The following STX8 variants were observed in gnomAD, a reference collection of about 807,000 sequenced individuals.
STX8 encodes the protein syntaxin 8.
Under a neutral mutation model 37.5 loss-of-function variants are expected in STX8, and 23 were observed. The ratio of observed to expected loss-of-function variants is 0.61; its 90% CI spans 0.44 to 0.87. The LOEUF is 0.87. Among genes scored for constraint, STX8 ranks in the 40% least tolerant of loss-of-function variants. The pLI is 0.00. For missense variants in STX8, 313 were observed against 284.7 expected (o/e 1.10, Z -0.71); for synonymous variants, 115 against 99.1 (o/e 1.16, Z -0.95).
At chr17:9,267,263 G>A (rs1907262936) in intron 7 of STX8, among the ~76,000 whole-genome samples, 1 of 152,172 alleles carries the variant, frequency 6.6e-6, no homozygotes, top group Admixed American at 6.6e-5. Context: ...CACTCTCAGA[G>A]CCATCATGGA....
At chr17:9,481,622 G>A (rs2142455436) in intron 6 of STX8, among the ~76,000 whole-genome samples, 2 of 152,250 alleles carry the variant, frequency 1.3e-5, no homozygotes, top group South Asian at 4.1e-4. Flanking sequence ...ATCATACTAG[G>A]ATGGAACCAA....
In STX8 at chr17:9,312,625, C is replaced by T. The variant is rs78261733; in HGVS notation, c.644-61980G>A. Among the ~76,000 whole-genome samples, 555 of 152,270 alleles carry T rather than the reference C, an allele frequency of 3.6e-3. 1 individual carries two copies. Among genetic ancestry groups the T allele is most frequent in the African/African-American group, 1.0e-2 (415 of 41,564 alleles). ...TGAGTTGAGGCTTATACAGAAATCA[C>T]GCAAGCTGGACTGATTTGTTAGGAG... On this transcript the variant is annotated intron_variant, in intron 7 of 7. Transcript: ENST00000306357.
chr17:9,535,835 G>T (rs1292072078), intron 4 of STX8, among the ~76,000 whole-genome samples: 1 of 152,034 alleles, frequency 6.6e-6, no homozygotes, highest in Non-Finnish European at 1.5e-5. Context: ...AACAATACTC[G>T]CATATATATA....
intron 7 of STX8, among the ~76,000 whole-genome samples, chr17:9,338,048 ATTTT>A (rs972471091): frequency 1.1e-4 from 12 of 107,890 alleles, no homozygotes; most frequent in African/African-American, 1.8e-4. Flanking sequence ...CCTCTGAAGG[ATTTT>A]TTTTTTTTTT....
At chr17:9,438,561 G>A (rs1489051520) in intron 6 of STX8, among the ~76,000 whole-genome samples, 7 of 152,086 alleles carry the variant, frequency 4.6e-5, no homozygotes, top group African/African-American at 1.7e-4. Context: ...AAATATTTTA[G>A]GTTTTGTAGG....
intron 6 of STX8, among the ~76,000 whole-genome samples, chr17:9,471,403 G>A (rs541145735): frequency 5.3e-5 from 8 of 151,746 alleles, no homozygotes; most frequent in African/African-American, 1.7e-4. Flanking sequence ...CACCTACCTC[G>A]GCCTCCCAAA....
chr17:9,419,919 T>C (rs1051427437), intron 6 of STX8, among the ~76,000 whole-genome samples: 2 of 152,238 alleles, frequency 1.3e-5, no homozygotes, highest in African/African-American at 2.4e-5. Flanking sequence ...AGGCTAACTT[T>C]TCAGTAATTG....
At chr17:9,410,469 C>T (rs1011063583) in intron 6 of STX8, among the ~76,000 whole-genome samples, 1 of 152,134 alleles carries the variant, frequency 6.6e-6, no homozygotes, top group East Asian at 1.9e-4. Flanking sequence ...GGCTCCCACA[C>T]GTCATAAAAC....
At chr17:9,409,229 T>G (rs1319745739) in intron 6 of STX8, among the ~76,000 whole-genome samples, 2 of 152,176 alleles carry the variant, frequency 1.3e-5, no homozygotes, top group Admixed American at 6.5e-5. Context: ...AAGGAGTCTT[T>G]CCGGTTTCTG....
intron 7 of STX8, among the ~76,000 whole-genome samples, chr17:9,304,403 G>A (rs1292651047): frequency 1.3e-5 from 2 of 149,556 alleles, no homozygotes; most frequent in African/African-American, 2.4e-5. Flanking sequence ...GCGCATGCCT[G>A]TAATCCCAGC....
In STX8 at chr17:9,298,151, G is replaced by A. The variant is rs1908633396; in HGVS notation, c.644-47506C>T. Reference sequence around the variant, plus strand: ...TTTAAAATGGAAATGTCACTGGCTGGGAAAGCACACTCTGTTTCTGACGTG... The same window carrying A: ...TTTAAAATGGAAATGTCACTGGCTGAGAAAGCACACTCTGTTTCTGACGTG... On this transcript the variant is annotated intron_variant, in intron 7 of 7. Transcript: ENST00000306357. 3.9e-5 allele frequency among the ~76,000 whole-genome samples: 4 copies of A among 102,736 alleles called. No homozygotes were observed. The East Asian group carries it at 1.1e-3, about 28-fold the overall frequency. 67.4% of individuals were successfully genotyped at this position (102,736 alleles called of 152,430 possible).
chr17:9,337,507 C>A (rs1910176529), intron 7 of STX8, among the ~76,000 whole-genome samples: 1 of 152,132 alleles, frequency 6.6e-6, no homozygotes, highest in Non-Finnish European at 1.5e-5. Context: ...GCTGGGATTA[C>A]AGGCACACGC....
chr17:9,483,603 T>C (rs961945961), intron 6 of STX8, among the ~76,000 whole-genome samples: 16 of 152,208 alleles, frequency 1.1e-4, no homozygotes, highest in African/African-American at 3.4e-4. Context: ...CCCCTTACCA[T>C]GGTAAATCAC....
At chr17:9,344,767 G>A (rs1910479128) in intron 7 of STX8, among the ~76,000 whole-genome samples, 1 of 148,982 alleles carries the variant, frequency 6.7e-6, no homozygotes, top group African/African-American at 2.5e-5. Context: ...TGATTTCCTG[G>A]TGATATTTTT....
At chr17:9,329,740 G>A (rs530652216) in intron 7 of STX8, among the ~76,000 whole-genome samples, 140 of 152,350 alleles carry the variant, frequency 9.2e-4, no homozygotes, top group Non-Finnish European at 1.8e-3. Context: ...GTAGGAGCCC[G>A]TCACAGCCAA....
chr17:9,512,926 A>C (rs1346080873), intron 4 of STX8, among the ~76,000 whole-genome samples: 1 of 152,200 alleles, frequency 6.6e-6, no homozygotes, highest in Non-Finnish European at 1.5e-5. Context: ...CCATAAAAGT[A>C]CCAGGCAAAA....
chr17:9,339,315 C>G (rs1023859273), intron 7 of STX8, among the ~76,000 whole-genome samples: 10 of 152,218 alleles, frequency 6.6e-5, no homozygotes, highest in African/African-American at 2.2e-4. Context: ...AAAAACCAAC[C>G]AACCAATCAA....
intron 4 of STX8, among the ~76,000 whole-genome samples, chr17:9,520,757 G>T (rs2142523961): frequency 1.3e-5 from 2 of 152,298 alleles, no homozygotes; most frequent in East Asian, 3.9e-4. Context: ...GAGTTCATAG[G>T]AAGGGCGTTC....
intron 6 of STX8, among the ~76,000 whole-genome samples, chr17:9,446,461 T>C (rs897504979): frequency 2.0e-5 from 3 of 152,172 alleles, no homozygotes; most frequent in Non-Finnish European, 4.4e-5. Context: ...AAACTATTAG[T>C]GTGAAGTGAA....
Sources: allele counts gnomAD v4.1 joint callset (sites outside exome capture counted in the v4.1 genomes callset), GRCh38; gene constraint gnomAD v4.1.1; transcripts MANE v1.5; gene names NCBI Gene and HGNC (gene_info 2026-07-23, HGNC 2026-07-21).